The following GMCL1 variants were observed in gnomAD, a reference collection of about 807,000 sequenced individuals.
GMCL1 encodes the protein germ cell-less protein-like 1.
A neutral mutation model predicts 75.5 loss-of-function variants in GMCL1; 54 were observed. That is an observed-to-expected ratio of 0.71 (90% CI 0.57 to 0.90). The LOEUF (loss-of-function observed/expected upper bound fraction) is 0.90. Ranked by LOEUF, GMCL1 falls within the 40% of genes least tolerant of loss-of-function variation. The pLI, the probability that GMCL1 is intolerant of heterozygous loss-of-function variation, is 0.00. For missense variants in GMCL1, 537 were observed against 622.7 expected, an observed-to-expected ratio of 0.86 and a Z score of 1.47; for synonymous variants, 210 against 209.6, an observed-to-expected ratio of 1.00 and a Z score of -0.02.
intron 1 of GMCL1, among the ~76,000 whole-genome samples, chr2:69,837,152 C>T (rs1487111879): frequency 3.3e-5 from 5 of 152,058 alleles, no homozygotes; most frequent in Admixed American, 6.6e-5. Context: ...CAGATTATTG[C>T]GCTATTTGAG....
intron 10 of GMCL1, among the ~76,000 whole-genome samples, chr2:69,863,955 C>T (rs914293541): frequency 6.6e-6 from 1 of 152,104 alleles, no homozygotes; most frequent in Admixed American, 6.6e-5. Context: ...CCCCTCACCT[C>T]CACCCCACCC....
intron 7 of GMCL1, 56 bp from the exon 8 acceptor site, chr2:69,849,596 A>G (rs1416265646): frequency 1.7e-6 from 2 of 1,172,056 alleles, no homozygotes; most frequent in Non-Finnish European, 2.4e-6. Context: ...AAAATGTAAA[A>G]TCATAAAATG....
chr2:69,830,287 T>G, intron 1 of GMCL1, 135 bp downstream of exon 1: 1 of 1,201,702 alleles, frequency 8.3e-7, no homozygotes. Flanking sequence ...ACAGGGTGAA[T>G]GTGGAAGCCG....
At chr2:69,846,929 A>G (rs1205111913) in intron 6 of GMCL1, among the ~76,000 whole-genome samples, 2 of 151,858 alleles carry the variant, frequency 1.3e-5, no homozygotes, top group African/African-American at 2.4e-5. Context: ...CTTGGGCTCA[A>G]GCGATCCTTC....
intron 10 of GMCL1, among the ~76,000 whole-genome samples, chr2:69,862,627 C>T (rs1247589835): frequency 1.3e-5 from 2 of 151,888 alleles, no homozygotes; most frequent in Non-Finnish European, 2.9e-5. Flanking sequence ...GGTGTGGTAG[C>T]GCATGCCTGT....
At chr2:69,872,359 G>C (rs1217078910) in intron 13 of GMCL1, among the ~76,000 whole-genome samples, 1 of 152,188 alleles carries the variant, frequency 6.6e-6, no homozygotes, top group Non-Finnish European at 1.5e-5. Flanking sequence ...AAGTTTCAAA[G>C]TGTCATGATG....
intron 2 of GMCL1, 29 bp downstream of exon 2, chr2:69,837,699 G>C (rs779621260): frequency 1.3e-6 from 2 of 1,583,012 alleles, no homozygotes; most frequent in Admixed American, 3.9e-5. Flanking sequence ...TGAGTAACAG[G>C]GTAGTCACTG....
chr2:69,836,823 A>C (rs1167247922), intron 1 of GMCL1, among the ~76,000 whole-genome samples: 1 of 152,184 alleles, frequency 6.6e-6, no homozygotes, highest in Non-Finnish European at 1.5e-5. Context: ...TACAGATAGA[A>C]TAGGTGATGC....
At chr2:69,878,692 G>A (rs1444521210) in intron 13 of GMCL1, among the ~76,000 whole-genome samples, 1 of 152,072 alleles carries the variant, frequency 6.6e-6, no homozygotes, top group Non-Finnish European at 1.5e-5. Flanking sequence ...ATTATCTCTT[G>A]TAATCCTCCT....
intron 13 of GMCL1, 128 bp downstream of exon 13, chr2:69,871,960 T>G: frequency 3.2e-6 from 2 of 618,190 alleles, no homozygotes; most frequent in Non-Finnish European, 5.6e-6. Context: ...AAAAGTCTTT[T>G]GAAGGTAAAG....
intron 8 of GMCL1, among the ~76,000 whole-genome samples, chr2:69,851,621 T>C (rs1675323218): frequency 6.6e-6 from 1 of 151,598 alleles, no homozygotes; most frequent in African/African-American, 2.4e-5. Context: ...AAAAAAAGAA[T>C]TAGCAGGGCG....
intron 7 of GMCL1, among the ~76,000 whole-genome samples, chr2:69,848,425 G>A (rs557656187): frequency 6.6e-6 from 1 of 152,332 alleles, no homozygotes; most frequent in South Asian, 2.1e-4. Context: ...TTGGTGCAGA[G>A]GTCAGGCACA....
In GMCL1 at chr2:69,865,214, G is replaced by T. The variant is rs79102790; in HGVS notation, c.1218+239G>T. Among the ~76,000 whole-genome samples the T allele has an allele frequency of 8.2e-3, 1,255 of 152,318 alleles. 8 individuals are homozygous for T. Among genetic ancestry groups the T allele is most frequent in the Non-Finnish European group, 0.013 (873 of 68,014 alleles). On this transcript the variant is annotated intron_variant, in intron 11 of 13. Coordinates refer to ENST00000282570, the MANE Select transcript of GMCL1 (RefSeq NM_178439.5). ...TGAGTTCAGATAAGACATACAAGAA[G>T]AGGGTCCCTTAGCAATCCAGAAATT...
At chr2:69,871,700 G>T in intron 12 of GMCL1, 45 bp from the exon 13 acceptor site, 4 of 1,038,552 alleles carry the variant, frequency 3.9e-6, no homozygotes, top group Non-Finnish European at 5.7e-6. Context: ...TTAATCTGTG[G>T]TTTAAAAATC....
In GMCL1 at chr2:69,871,842, AT is replaced by A. The variant is rs1675991734; in HGVS notation, c.1452+12del. 6.9e-7 allele frequency: 1 copy of A among 1,459,176 alleles called. No homozygotes were observed. The highest frequency in any genetic ancestry group is 9.5e-7 in the Non-Finnish European group (1 of 1,055,112). The allele number at this position is 1,459,176 out of a possible 1,614,324, so 90.4% of individuals were successfully genotyped here. A position where few individuals can be genotyped will look rare whatever the true frequency, so the allele number is the denominator to read the frequency against. On this transcript the variant is annotated intron_variant, in intron 13 of 13. Transcript: ENST00000282570. ...ACTTGAAAAGGATCAGGTATGTTCG[AT>A]TATCTTCTGGTATGTCATCATAATA...
intron 1 of GMCL1, 149 bp downstream of exon 1, chr2:69,830,301 C>A: frequency 1.9e-6 from 2 of 1,065,018 alleles, no homozygotes; most frequent in Non-Finnish European, 2.6e-6. Context: ...GAAGCCGGCC[C>A]GATGCGGGGC....
At chr2:69,859,111 AC>A (rs1667427636) in intron 9 of GMCL1, among the ~76,000 whole-genome samples, 1 of 141,784 alleles carries the variant, frequency 7.1e-6, no homozygotes, top group African/African-American at 2.7e-5. Flanking sequence ...GCGCCACCAC[AC>A]TCCAGCCTGG....
chr2:69,849,863 A>G (rs1332893099), intron 8 of GMCL1, 121 bp downstream of exon 8: 2 of 529,516 alleles, frequency 3.8e-6, no homozygotes, highest in Non-Finnish European at 6.5e-6. Context: ...ACTTGTTTAT[A>G]GACTTAATTT....
At position 69,832,890 on chromosome 2, in the gene GMCL1, A is replaced by G. The variant is rs534837752; in HGVS notation, c.260+2738A>G. Among the ~76,000 whole-genome samples, 62 of 152,356 alleles carry G rather than the reference A, an allele frequency of 4.1e-4. No homozygotes were observed. The Middle Eastern group carries it at 0.01, about 25-fold the overall frequency. ...AAAACGCTAAGGTAAAGAGATCCCT[A>G]GAAAATACATGTAGTAGTCAGTACT... On this transcript the variant is annotated intron_variant, in intron 1 of 13. Coordinates refer to ENST00000282570, the MANE Select transcript of GMCL1 (RefSeq NM_178439.5).
Sources: gnomAD v4.1 joint callset for allele counts (sites outside exome capture counted in the v4.1 genomes callset) on GRCh38, gnomAD v4.1.1 for gene constraint, MANE v1.5 for transcripts, NCBI Gene and HGNC (gene_info 2026-07-23, HGNC 2026-07-21) for gene names.